VPS37B: variants seen among roughly 807,000 people sequenced by gnomAD.
VPS37B encodes VPS37B subunit of ESCRT-I.
Under a neutral mutation model 21.2 loss-of-function variants are expected in VPS37B, and 11 were observed. The ratio of observed to expected loss-of-function variants is 0.52; its 90% CI spans 0.33 to 0.86. The LOEUF (loss-of-function observed/expected upper bound fraction) is 0.86. Among genes scored for constraint, VPS37B ranks in the 40% least tolerant of loss-of-function variants. The pLI, the probability that VPS37B is intolerant of heterozygous loss-of-function variation, is 0.03. For synonymous variants in VPS37B, 175 were observed against 159.6 expected (o/e 1.10, Z -0.73); for missense variants, 389 against 374.8 (o/e 1.04, Z -0.31).
At chr12:122,871,957 G>A (rs979107340) in intron 1 of VPS37B, 23 of 985,176 alleles carry the variant, frequency 2.3e-5, no homozygotes, top group Non-Finnish European at 2.7e-5. Context: ...CTTCCACACC[G>A]TCAGTTTCAA....
intron 1 of VPS37B, chr12:122,872,747 T>C: frequency 1.1e-6 from 1 of 951,378 alleles, no homozygotes; most frequent in Non-Finnish European, 1.3e-6. Flanking sequence ...AATACGTAAC[T>C]ACCCTATGAC....
intron 1 of VPS37B, chr12:122,878,844 GT>G (rs2034202385): frequency 6.6e-6 from 1 of 152,054 alleles, no homozygotes; most frequent in Non-Finnish European, 1.5e-5. Flanking sequence ...TAGAGACGGG[GT>G]TTTACCATGT....
At position 122,870,907 on chromosome 12, in the gene VPS37B, A is replaced by T. The variant is rs778123572; in HGVS notation, c.266T>A (p.Ile89Lys). ...AAAGTTACCTAATTTGGTCTTCTTT[A>T]TCTGATAGGCTTCAAAGAGAACCTG... ...ELQVLFEAYQ[I>K]KKTKLDRQSS... The change falls in exon 2 of 4, where the codon ATA becomes AAA. Residue 89 changes from isoleucine (I) to lysine (K), a missense_variant. By Grantham distance (102) the Ile-to-Lys change is moderately radical (BLOSUM62 -3). Transcript: ENST00000267202. 1 of 1,613,882 alleles carries T rather than the reference A, an allele frequency of 6.2e-7. No homozygotes were observed. The highest frequency in any genetic ancestry group is 1.1e-5 in the South Asian group (1 of 91,026).
At chr12:122,895,456 C>T (rs2034478102) in intron 1 of VPS37B, among the ~76,000 whole-genome samples, 1 of 151,020 alleles carries the variant, frequency 6.6e-6, no homozygotes, top group South Asian at 2.1e-4. Context: ...ACCCCTAATC[C>T]TCGCCTCCGA....
intron 1 of VPS37B, chr12:122,879,518 A>C (rs1194525870): frequency 1.3e-5 from 2 of 152,388 alleles, no homozygotes; most frequent in Admixed American, 1.3e-4. Context: ...GGAAGTGAGA[A>C]GTGCATGGCT....
intron 1 of VPS37B, among the ~76,000 whole-genome samples, chr12:122,892,662 A>G (rs753674062): frequency 9.9e-5 from 15 of 152,254 alleles, no homozygotes; most frequent in Non-Finnish European, 1.9e-4. Flanking sequence ...CCATGCCTGT[A>G]ATCCCAGCAC....
intron 1 of VPS37B, chr12:122,874,513 C>T (rs2034108406): frequency 6.6e-6 from 1 of 152,136 alleles, no homozygotes; most frequent in Admixed American, 6.5e-5. Context: ...ATTAGAAAGT[C>T]CTAGAGGAGA....
At chr12:122,895,036 A>T (rs1182661172) in intron 1 of VPS37B, among the ~76,000 whole-genome samples, 1 of 151,936 alleles carries the variant, frequency 6.6e-6, no homozygotes, top group Non-Finnish European at 1.5e-5. Flanking sequence ...TCCTGTCGCC[A>T]CCCTTAGGCC....
chr12:122,877,865 C>A (rs1040652096), intron 1 of VPS37B: 1 of 151,634 alleles, frequency 6.6e-6, no homozygotes, highest in Non-Finnish European at 1.5e-5. Flanking sequence ...GCAGAGTACA[C>A]CTCTGGCTTC....
In VPS37B at chr12:122,882,801, A is replaced by C. The variant is rs140054010; in HGVS notation, c.112-11740T>G. The C allele has an allele frequency of 2.0e-5, 3 of 152,362 alleles. 1 individual carries two copies. Among genetic ancestry groups the C allele is most frequent in the Non-Finnish European group, 4.4e-5 (3 of 68,036 alleles). The allele number at this position is 152,362 out of a possible 1,614,324, so 9.4% of individuals were successfully genotyped here. A position where few individuals can be genotyped will look rare whatever the true frequency, so the allele number is the denominator to read the frequency against. On this transcript the variant is annotated intron_variant, in intron 1 of 3. Transcript: ENST00000267202. ...TTCATTCAGTAAAAAGATATTCCCA[A>C]TGACAAACTAATTTCACCAGTCTCC... is the stretch of plus-strand genomic sequence containing the variant.
In VPS37B at chr12:122,865,468, C is replaced by A. The variant is rs2033878998; in HGVS notation, c.*1648G>T. On this transcript the variant is annotated 3_prime_UTR_variant, in exon 4 of 4. Transcript: ENST00000267202. ...ATGCCAAGCTCACGTCTGGCTGCGACCGTGGCAGGCTGTGGCATCCCCGAC... is the reference window on the plus strand; with the variant it reads ...ATGCCAAGCTCACGTCTGGCTGCGAACGTGGCAGGCTGTGGCATCCCCGAC... The A allele has an allele frequency of 6.6e-6, 1 of 152,278 alleles. No individual in the cohort carries two copies. The highest frequency in any genetic ancestry group is 1.5e-5 in the Non-Finnish European group (1 of 68,060). The allele number at this position is 152,278 out of a possible 1,614,324, so 9.4% of individuals were successfully genotyped here.
intron 1 of VPS37B, among the ~76,000 whole-genome samples, chr12:122,894,319 G>A (rs2034457831): frequency 6.6e-6 from 1 of 152,186 alleles, no homozygotes; most frequent in South Asian, 2.1e-4. Context: ...TTGGAGCAAC[G>A]TTATTATGTG....
chr12:122,880,457 G>A (rs2034229795), intron 1 of VPS37B: 1 of 152,064 alleles, frequency 6.6e-6, no homozygotes, highest in Non-Finnish European at 1.5e-5. Context: ...ACTGAAATCA[G>A]CCCTCTCCCA....
Position 122,896,096 on chromosome 12 carries a change from G to A in VPS37B, c.-34C>T. The A allele has an allele frequency of 6.5e-6, 10 of 1,531,246 alleles. No individual in the cohort carries two copies. The highest frequency in any genetic ancestry group is 1.2e-5 in the South Asian group (1 of 84,006). 94.9% of individuals were successfully genotyped at this position (1,531,246 alleles called of 1,614,324 possible). On this transcript the variant is annotated 5_prime_UTR_variant, in exon 1 of 4. Coordinates refer to ENST00000267202, the MANE Select transcript of VPS37B (RefSeq NM_024667.3). ...CTCGGCCGTCGTCGCCACCGCCGCT[G>A]CGGCCACCAGGCTCCGCCGACCGGA...
chr12:122,871,347 CTG>C (rs2034030513), intron 1 of VPS37B: 1 of 1,138,358 alleles, frequency 8.8e-7, no homozygotes, highest in East Asian at 4.7e-5. Context: ...CACGGCTGCG[CTG>C]TGACTTGAAT....
rs1029909322 is a variant in VPS37B at position 122,868,134 on chromosome 12, G to A, written c.366+346C>T. On this transcript the variant is annotated intron_variant, in intron 3 of 3. Coordinates refer to ENST00000267202, the MANE Select transcript of VPS37B (RefSeq NM_024667.3). This position sits in a 1 kb window ranked among gnomAD's most constrained non-coding sequence, Gnocchi z 5.5. ...CTGGCGAGGCTCAAGGCTCTAATGC[G>A]CAGCTGGACGTGTCCCAGAAGCTCT... is the stretch of plus-strand genomic sequence containing the variant. 1.1e-4 allele frequency among the ~76,000 whole-genome samples: 16 copies of A among 152,206 alleles called. No homozygotes were observed. Among genetic ancestry groups the A allele is most frequent in the Admixed American group, 5.2e-4 (8 of 15,286 alleles).
At chr12:122,877,728 C>T (rs1566127796) in intron 1 of VPS37B, 3 of 152,296 alleles carry the variant, frequency 2.0e-5, no homozygotes, top group African/African-American at 7.2e-5. Context: ...CCAGCCCCAC[C>T]AACGCCACAC....
Position 122,867,235 on chromosome 12 carries a change from C to T in VPS37B, c.739G>A (p.Val247Met), listed in dbSNP as rs760564451. 11 of 1,559,572 alleles carry T rather than the reference C, an allele frequency of 7.1e-6. No individual in the cohort carries two copies. The highest frequency in any genetic ancestry group is 2.8e-5 in the African/African-American group (2 of 71,492). ...GLQCPPLPPR[V>M]GLPTQQGFSS... The stretch of plus-strand genomic sequence containing the variant: ...AATCCTTGCTGAGTGGGGAGGCCCA[C>T]GCGGGGGGGCAGGGGCGGGCACTGT... Residue 247 changes from valine (V) to methionine (M), a missense_variant, in exon 4 of 4, where the codon GTG (valine) becomes ATG (methionine). Val to Met is a conservative substitution (Grantham distance 21, BLOSUM62 1). Transcript: ENST00000267202. This position sits in a 1 kb window ranked among gnomAD's most constrained non-coding sequence, Gnocchi z 5.5.
rs2033958268 is a variant in VPS37B at position 122,868,674 on chromosome 12, G to C, written c.284-112C>G. The stretch of plus-strand genomic sequence containing the variant: ...CCTTTCCAGGAAGCTGAATGTGAAA[G>C]GCTTGAAAACCTACAGGGGAACAAG... On this transcript the variant is annotated intron_variant, in intron 2 of 3. Coordinates refer to ENST00000267202, the MANE Select transcript of VPS37B (RefSeq NM_024667.3). This position sits in a 1 kb window ranked among gnomAD's most constrained non-coding sequence, Gnocchi z 5.5. The C allele has an allele frequency of 1.0e-6, 1 of 972,066 alleles. No individual in the cohort carries two copies. Among genetic ancestry groups the C allele is most frequent in the Admixed American group, 2.1e-5 (1 of 48,530 alleles). 60.2% of individuals were successfully genotyped at this position (972,066 alleles called of 1,614,324 possible).
Sources: allele counts gnomAD v4.1 joint callset (sites outside exome capture counted in the v4.1 genomes callset), GRCh38; gene constraint gnomAD v4.1.1; non-coding constraint Gnocchi (gnomAD v3.1); transcripts MANE v1.5; gene names NCBI Gene and HGNC (gene_info 2026-07-23, HGNC 2026-07-21).